SHROOM4: variants seen among roughly 807,000 people sequenced by gnomAD.
SHROOM4 encodes protein Shroom4.
SHROOM4 carries 17 observed loss-of-function variants against 80.3 expected under a neutral mutation model. The ratio of observed to expected loss-of-function variants is 0.21; its 90% confidence interval spans 0.14 to 0.32. The LOEUF is 0.32. SHROOM4 is among the 10% of genes least tolerant of loss of function. The pLI is 1.00. For synonymous variants in SHROOM4, 400 were observed against 437.5 expected, an observed-to-expected ratio of 0.91 and a Z score of 1.07; for missense variants, 993 against 1,140.3, an observed-to-expected ratio of 0.87 and a Z score of 1.86.
chrX:50,806,718 A>T (rs1438083885), intron 1 of SHROOM4, among the ~76,000 whole-genome samples: 1 of 112,083 alleles, frequency 8.9e-6, no homozygotes, highest in Non-Finnish European at 1.9e-5. Context: ...TTACAAGATA[A>T]CTCTCAGGGA....
Position 50,607,891 on chromosome X carries a change from C to T in SHROOM4, c.3251G>A (p.Gly1084Asp). 1.7e-6 allele frequency: 2 copies of T among 1,210,293 alleles called. No homozygotes were observed. Among genetic ancestry groups the T allele is most frequent in the Non-Finnish European group, 2.2e-6 (2 of 894,556 alleles). ...GQHRRELFSK[G>D]DETQSDLLGA... is the part of the protein sequence containing the mutation. ...GAGAAGATCCGACTGGGTCTCATCA[C>T]CTTTGCTAAAGAGCTCCCTCCTATG... is the stretch of plus-strand genomic sequence containing the variant. Residue 1084 changes from glycine to aspartate, a missense_variant, in exon 6 of 9, where the codon GGT (glycine) becomes GAT (aspartate). Physicochemically the swap from Gly to Asp is moderately conservative, Grantham distance 94. Transcript: ENST00000376020.
chrX:50,651,806 T>C (rs782089279), intron 2 of SHROOM4, among the ~76,000 whole-genome samples: 42 of 109,185 alleles, frequency 3.8e-4, no homozygotes, highest in African/African-American at 1.0e-3. Flanking sequence ...TTGTTCAACT[T>C]TCACTTATGA....
chrX:50,789,403 T>C (rs1935811554), intron 1 of SHROOM4, among the ~76,000 whole-genome samples: 1 of 110,900 alleles, frequency 9.0e-6, no homozygotes, highest in African/African-American at 3.3e-5. Context: ...AAATAACCAA[T>C]GGGTGAAACA....
At chrX:50,795,127 GAT>G (rs1296594833) in intron 1 of SHROOM4, among the ~76,000 whole-genome samples, 70 of 2,324 alleles carry the variant, frequency 0.03, 6 homozygotes, top group African/African-American at 0.056. Context: ...ATATATATAT[GAT>G]ATATATATAT....
At chrX:50,804,038 A>C (rs782427651) in intron 1 of SHROOM4, among the ~76,000 whole-genome samples, 1 of 112,235 alleles carries the variant, frequency 8.9e-6, no homozygotes, top group Non-Finnish European at 1.9e-5. Context: ...CCCAATGATT[A>C]GGTAACTTCA....
rs782809258 is a variant in SHROOM4, at chrX:50,607,930, C to T, written c.3212G>A (p.Arg1071Gln). The change falls in exon 6 of 9, where the codon CGG (arginine) becomes CAG (glutamine). Residue 1071 changes from arginine to glutamine, a missense_variant. Coordinates refer to ENST00000376020, the MANE Select transcript of SHROOM4 (RefSeq NM_020717.5). ...SHISLAPQST[R>Q]AWGQHRRELF... ...CTCCCTCCTATGCTGCCCCCAGGCC[C>T]GGGTGCTTTGGGGCGCCAAGCTGAT... 7 of 1,210,018 alleles carry T rather than the reference C, an allele frequency of 5.8e-6. No homozygotes were observed. Among genetic ancestry groups the T allele is most frequent in the Admixed American group, 4.4e-5 (2 of 45,791 alleles).
At chrX:50,789,814 C>T (rs1472243377) in intron 1 of SHROOM4, among the ~76,000 whole-genome samples, 3 of 112,211 alleles carry the variant, frequency 2.7e-5, no homozygotes, top group Non-Finnish European at 3.8e-5. Context: ...GACATTACAA[C>T]TGATACCACA....
At chrX:50,699,568 T>C (rs919108269) in intron 1 of SHROOM4, among the ~76,000 whole-genome samples, 3 of 112,386 alleles carry the variant, frequency 2.7e-5, no homozygotes, top group African/African-American at 3.2e-5. Flanking sequence ...CATCTCTCAA[T>C]TCCCCTGGTC....
At chrX:50,699,425 C>T (rs1278002433) in intron 1 of SHROOM4, among the ~76,000 whole-genome samples, 1 of 112,187 alleles carries the variant, frequency 8.9e-6, no homozygotes, top group Non-Finnish European at 1.9e-5. Context: ...TCAGCTCTGA[C>T]ATTCAGTGAC....
At chrX:50,718,278 C>T (rs1321028074) in intron 1 of SHROOM4, among the ~76,000 whole-genome samples, 1 of 112,147 alleles carries the variant, frequency 8.9e-6, no homozygotes, top group East Asian at 2.8e-4. Flanking sequence ...AAGCTGGAAA[C>T]ATGCACTGGG....
rs1929093438 is a variant in SHROOM4 at position 50,595,999 on chromosome X, G to A, written c.*696C>T. On this transcript the variant is annotated 3_prime_UTR_variant, in exon 9 of 9. Coordinates refer to ENST00000376020, the MANE Select transcript of SHROOM4 (RefSeq NM_020717.5). ...TAAAGGAAAGATGAAACAAGAGGTG[G>A]TAGGACCAAAGTCTTAGGACAGGAA... 1 of 327,614 alleles carries A rather than the reference G, an allele frequency of 3.1e-6. No individual in the cohort carries two copies. The highest frequency in any genetic ancestry group is 2.7e-5 in the African/African-American group (1 of 37,603). 27.0% of individuals were successfully genotyped at this position (327,614 alleles called of 1,213,427 possible). A position where few individuals can be genotyped will look rare whatever the true frequency, so the allele number is the denominator to read the frequency against.
the SHROOM4 span, among the ~76,000 whole-genome samples, chrX:50,576,601 TTGTG>T: frequency 9.1e-6 from 1 of 109,768 alleles, no homozygotes; most frequent in East Asian, 2.8e-4. Flanking sequence ...GTCTTCCATT[TTGTG>T]TGTGTGTGTG....
intron 5 of SHROOM4, among the ~76,000 whole-genome samples, chrX:50,611,136 C>CTTTTTTTTTTT (rs1432209307): frequency 1.4e-5 from 1 of 72,914 alleles, no homozygotes. Flanking sequence ...ACCATATTTT[C>CTTTTTTTTTTT]TTTTTTTCTT....
Position 50,770,161 on chromosome X carries a change from T to C in SHROOM4, c.117+43741A>G, listed in dbSNP as rs782250269. Among the ~76,000 whole-genome samples, 3 of 110,829 alleles carry C rather than the reference T, an allele frequency of 2.7e-5. No individual in the cohort carries two copies. In the South Asian group the frequency reaches 1.2e-3, roughly 44 times the overall value. ...ACAGCAACTCCCCTGCCCCAAGGAC[T>C]ACCCCCACTGCACTCAATTGAAGTG... is the stretch of plus-strand genomic sequence containing the variant. On this transcript the variant is annotated intron_variant, in intron 1 of 8. Transcript: ENST00000376020.
chrX:50,785,349 G>A, intron 1 of SHROOM4, among the ~76,000 whole-genome samples: 1 of 111,611 alleles, frequency 9.0e-6, no homozygotes, highest in Non-Finnish European at 1.9e-5. Flanking sequence ...ACTGTTCATA[G>A]CAGCTTTATT....
Position 50,635,466 on chromosome X carries a change from C to T in SHROOM4, c.607G>A (p.Ala203Thr). 8.3e-7 allele frequency: 1 copy of T among 1,209,770 alleles called. No individual in the cohort carries two copies. Among genetic ancestry groups the T allele is most frequent in the Non-Finnish European group, 1.1e-6 (1 of 894,529 alleles). ...GGCTCCTCTGGCCTGAGGGAAAGGG[C>T]ACAGTCAGAAGCATTTGAGCTGGCC... The part of the protein sequence containing the change: ...FSASSNASDC[A>T]LSLRPEEPAS... Residue 203 changes from alanine (A) to threonine (T), a missense_variant, in exon 4 of 9, where the codon GCC (alanine) becomes ACC (threonine). Physicochemically the swap from Ala to Thr is moderately conservative, Grantham distance 58. Coordinates refer to ENST00000376020, the MANE Select transcript of SHROOM4 (RefSeq NM_020717.5).
chrX:50,581,695 C>A, the SHROOM4 span, among the ~76,000 whole-genome samples: 1 of 112,020 alleles, frequency 8.9e-6, no homozygotes, highest in Non-Finnish European at 1.9e-5. Context: ...CATGAATAAA[C>A]AAGTTATTTA....
chrX:50,607,678 TCCTCCTCTG>T lies in SHROOM4; in HGVS notation c.3455_3463del (p.Ala1152_Glu1154del), dbSNP rs1557248810. ...ATACTGGGGTGGCAGCTCCTCTTCCTCCTCCTCTGCCTCCTCCTCCTCCTCTTCCTCTTC... is the reference window on the plus strand; with the variant it reads ...ATACTGGGGTGGCAGCTCCTCTTCCTCCTCCTCCTCCTCCTCTTCCTCTTC... On this transcript the variant is annotated inframe_deletion, in exon 6 of 9. Coordinates refer to ENST00000376020, the MANE Select transcript of SHROOM4 (RefSeq NM_020717.5). 8.3e-7 allele frequency: 1 copy of T among 1,199,992 alleles called. No individual in the cohort carries two copies.
At chrX:50,641,803 G>C (rs1217208211) in intron 2 of SHROOM4, among the ~76,000 whole-genome samples, 3 of 111,536 alleles carry the variant, frequency 2.7e-5, no homozygotes, top group African/African-American at 9.8e-5. Context: ...GTAGAGATGG[G>C]GTTTCACCAG....
Sources: allele counts gnomAD v4.1 joint callset (sites outside exome capture counted in the v4.1 genomes callset), GRCh38; gene constraint gnomAD v4.1.1; transcripts MANE v1.5; gene names NCBI Gene and HGNC (gene_info 2026-07-23, HGNC 2026-07-21).